Variants in ANO3 observed in about 807,000 individuals in gnomAD.
ANO3 encodes the protein anoctamin-3.
A neutral mutation model predicts 144.8 loss-of-function variants in ANO3; 99 were observed. The ratio of observed to expected loss-of-function variants is 0.68; its 90% CI spans 0.58 to 0.81. ANO3 has a LOEUF of 0.81. Ranked by LOEUF, ANO3 falls within the 30% of genes least tolerant of loss-of-function variation. The probability of loss-of-function intolerance (pLI) is 0.00; values close to 1 mark genes in which losing one functional copy is unlikely to be tolerated. For missense variants in ANO3, 905 were observed against 1,202.2 expected, an observed-to-expected ratio of 0.75 and a Z score of 3.66; for synonymous variants, 414 against 392.6, an observed-to-expected ratio of 1.05 and a Z score of -0.64.
intron 12 of ANO3, among the ~76,000 whole-genome samples, chr11:26,548,433 T>C (rs1849845102): frequency 6.6e-6 from 1 of 151,958 alleles, no homozygotes; most frequent in Non-Finnish European, 1.5e-5. Context: ...CCCCTTTCTT[T>C]CAAAGCTCAA....
At chr11:26,346,104 C>A (rs1317599834) in intron 1 of ANO3, among the ~76,000 whole-genome samples, 1 of 152,120 alleles carries the variant, frequency 6.6e-6, no homozygotes, top group East Asian at 1.9e-4. Flanking sequence ...TGAGGCAAAT[C>A]CCTATTTTAT....
intron 4 of ANO3, among the ~76,000 whole-genome samples, chr11:26,468,676 T>G (rs563936436): frequency 6.6e-6 from 1 of 152,060 alleles, no homozygotes; most frequent in Admixed American, 6.6e-5. Flanking sequence ...TGCCTCAAAT[T>G]GTGTATAGGA....
At chr11:26,203,770 C>T (rs1392214808) in intron 1 of ANO3, among the ~76,000 whole-genome samples, 1 of 152,058 alleles carries the variant, frequency 6.6e-6, no homozygotes, top group African/African-American at 2.4e-5. Flanking sequence ...GTGCCTTTAA[C>T]TAAAAATAGT....
intron 1 of ANO3, among the ~76,000 whole-genome samples, chr11:26,433,350 T>C (rs1038949304): frequency 4.6e-5 from 7 of 152,184 alleles, no homozygotes; most frequent in Non-Finnish European, 1.0e-4. Context: ...AGGGAAAATA[T>C]GACTTCCTCT....
chr11:26,394,037 A>G (rs1856944759), intron 1 of ANO3, among the ~76,000 whole-genome samples: 1 of 152,162 alleles, frequency 6.6e-6, no homozygotes, highest in Non-Finnish European at 1.5e-5. Flanking sequence ...CTTGAGAAAG[A>G]TACTTGGTTT....
At chr11:26,478,286 A>C (rs1452422573) in intron 4 of ANO3, among the ~76,000 whole-genome samples, 1 of 152,170 alleles carries the variant, frequency 6.6e-6, no homozygotes, top group Non-Finnish European at 1.5e-5. Context: ...AACCTTGATC[A>C]CATGTCTATT....
At chr11:26,570,566 C>T (rs182530791) in intron 14 of ANO3, among the ~76,000 whole-genome samples, 1 of 152,092 alleles carries the variant, frequency 6.6e-6, no homozygotes, top group Non-Finnish European at 1.5e-5. Flanking sequence ...TAAATAGAAT[C>T]ATCAGTTCAG....
At chr11:26,288,050 G>A (rs192213929) in intron 1 of ANO3, 24 of 152,378 alleles carry the variant, frequency 1.6e-4, no homozygotes, top group African/African-American at 4.8e-4. Flanking sequence ...CACTGTAGAG[G>A]GTAGACTAAT....
chr11:26,362,174 T>C (rs1855945241), intron 1 of ANO3, among the ~76,000 whole-genome samples: 1 of 152,188 alleles, frequency 6.6e-6, no homozygotes, highest in South Asian at 2.1e-4. Flanking sequence ...GTTCTCAAGA[T>C]AGTACACCAG....
chr11:26,660,360 A>G lies in ANO3; in HGVS notation c.2862A>G (p.Gln954=), dbSNP rs1853840893. ...DRIRREKYLV[Q]EMMYEAELEH... ...TACGACGAGAGAAGTACTTAGTTCAAGAAATGATGTATGAGGCTGAACTGG... is the reference window on the plus strand; with the variant it reads ...TACGACGAGAGAAGTACTTAGTTCAGGAAATGATGTATGAGGCTGAACTGG... The change falls in exon 27 of 27, where the codon CAA becomes CAG. Residue 954 remains glutamine (Q), a synonymous_variant. Transcript: ENST00000256737. 1 of 1,613,502 alleles carries G rather than the reference A, an allele frequency of 6.2e-7. No individual in the cohort carries two copies. Among genetic ancestry groups the G allele is most frequent in the African/African-American group, 1.3e-5 (1 of 75,022 alleles).
chr11:26,581,545 T>G (rs753149747), intron 14 of ANO3, among the ~76,000 whole-genome samples: 2 of 151,596 alleles, frequency 1.3e-5, no homozygotes, highest in Non-Finnish European at 2.9e-5. Context: ...AAAAATTAGC[T>G]GGGCATGGTG....
chr11:26,457,083 G>C (rs908497603), intron 3 of ANO3, among the ~76,000 whole-genome samples: 5 of 118,940 alleles, frequency 4.2e-5, no homozygotes, highest in Non-Finnish European at 8.5e-5. Context: ...TGTGGGGTGG[G>C]GGGAGGGGGG....
intron 18 of ANO3, among the ~76,000 whole-genome samples, chr11:26,627,814 AGTGT>A (rs72002807): frequency 0.011 from 1,462 of 131,200 alleles, 14 homozygotes; most frequent in South Asian, 0.047. Context: ...AATAGAATCT[AGTGT>A]GTGTGTGTGT....
intron 4 of ANO3, among the ~76,000 whole-genome samples, chr11:26,501,400 G>A (rs183398748): frequency 1.3e-5 from 2 of 152,096 alleles, no homozygotes; most frequent in Admixed American, 6.6e-5. Context: ...GCAATATTTG[G>A]TTACATTGGT....
At chr11:26,355,371 T>A (rs377153408) in intron 1 of ANO3, among the ~76,000 whole-genome samples, 4 of 152,308 alleles carry the variant, frequency 2.6e-5, no homozygotes, top group South Asian at 4.1e-4. Flanking sequence ...ATTATTCTGC[T>A]GCTGACTTCC....
At chr11:26,268,283 TG>T (rs750532924) in intron 1 of ANO3, among the ~76,000 whole-genome samples, 3 of 152,182 alleles carry the variant, frequency 2.0e-5, no homozygotes, top group South Asian at 2.1e-4. Context: ...TATATTCTAA[TG>T]GGATTAATGG....
chr11:26,259,939 C>T (rs530722743), intron 1 of ANO3, among the ~76,000 whole-genome samples: 1 of 152,198 alleles, frequency 6.6e-6, no homozygotes, highest in Admixed American at 6.5e-5. Flanking sequence ...ACAGGGCAAC[C>T]GGTTTGCCAC....
At chr11:26,302,178 G>GTGGTTAGT (rs1387534508) in intron 1 of ANO3, among the ~76,000 whole-genome samples, 18 of 152,102 alleles carry the variant, frequency 1.2e-4, no homozygotes, top group South Asian at 2.1e-4. Flanking sequence ...TTCATAAAAA[G>GTGGTTAGT]TGGTTAGTGT....
chr11:26,555,616 G>T (rs911439828), intron 13 of ANO3, among the ~76,000 whole-genome samples: 1 of 152,124 alleles, frequency 6.6e-6, no homozygotes, highest in Non-Finnish European at 1.5e-5. Context: ...GGAGAATATT[G>T]CCTTATGGAA....
Sources: allele counts gnomAD v4.1 joint callset (sites outside exome capture counted in the v4.1 genomes callset), GRCh38; gene constraint gnomAD v4.1.1; transcripts MANE v1.5; gene names NCBI Gene and HGNC (gene_info 2026-07-23, HGNC 2026-07-21).